GRIK2: variants seen among roughly 807,000 people sequenced by gnomAD.
GRIK2 encodes the protein glutamate receptor ionotropic, kainate 2.
A neutral mutation model predicts 100.3 loss-of-function variants in GRIK2; 32 were observed. The observed-to-expected ratio is 0.32, with a 90% CI of 0.24 to 0.43. The LOEUF is 0.43. Ranked by LOEUF, GRIK2 falls within the 20% of genes least tolerant of loss-of-function variation. The probability of loss-of-function intolerance (pLI) is 1.00; values close to 1 mark genes in which losing one functional copy is unlikely to be tolerated. For synonymous variants in GRIK2, 417 were observed against 389.4 expected (o/e 1.07, Z -0.83); for missense variants, 843 against 1,114.9 (o/e 0.76, Z 3.47).
chr6:101,935,452 C>T (rs1790556094), intron 14 of GRIK2, among the ~76,000 whole-genome samples: 1 of 151,796 alleles, frequency 6.6e-6, no homozygotes, highest in African/African-American at 2.4e-5. Context: ...TTCATCTTTT[C>T]TTTGTAAACC....
intron 2 of GRIK2, among the ~76,000 whole-genome samples, chr6:101,599,830 C>A (rs1779115640): frequency 6.6e-6 from 1 of 151,408 alleles, no homozygotes; most frequent in South Asian, 2.1e-4. Flanking sequence ...TTTTGTGATT[C>A]TTTTCTTCTA....
chr6:101,675,328 T>A (rs556779821), intron 4 of GRIK2, among the ~76,000 whole-genome samples: 16 of 95,782 alleles, frequency 1.7e-4, no homozygotes, highest in Admixed American at 1.4e-3. Context: ...ACACACACAC[T>A]CGAGAAACAG....
intron 4 of GRIK2, among the ~76,000 whole-genome samples, chr6:101,637,404 A>T (rs965298923): frequency 6.6e-6 from 1 of 151,960 alleles, no homozygotes; most frequent in Admixed American, 6.6e-5. Context: ...TTCCCTCTTT[A>T]TTGGGTTGCC....
intron 7 of GRIK2, among the ~76,000 whole-genome samples, chr6:101,774,593 A>T (rs929456034): frequency 1.3e-5 from 2 of 152,180 alleles, no homozygotes; most frequent in Non-Finnish European, 2.9e-5. Context: ...CAATGGACTG[A>T]TCTTAGTAAA....
chr6:101,660,391 C>T (rs2128333468), intron 4 of GRIK2, among the ~76,000 whole-genome samples: 1 of 152,164 alleles, frequency 6.6e-6, no homozygotes, highest in Non-Finnish European at 1.5e-5. Flanking sequence ...TTTTAAGGTT[C>T]TTAGTTTCCT....
At position 101,737,147 on chromosome 6, in the gene GRIK2, CA is replaced by C. The variant is rs558918650; in HGVS notation, c.951+50796del. Among the ~76,000 whole-genome samples, 573 of 152,208 alleles carry C rather than the reference CA, an allele frequency of 3.8e-3. 4 individuals are homozygous for C. Among genetic ancestry groups the C allele is most frequent in the African/African-American group, 0.013 (551 of 41,534 alleles). On this transcript the variant is annotated intron_variant, in intron 7 of 16. Coordinates refer to ENST00000369134, the MANE Select transcript of GRIK2 (RefSeq NM_021956.5). Reference sequence around the variant, plus strand: ...CAGGATTTTGGTTAAAGCCATTCAACAAGTCTCTAGGGAGTTCCAAACTTTC... The same window carrying C: ...CAGGATTTTGGTTAAAGCCATTCAACAGTCTCTAGGGAGTTCCAAACTTTC...
At position 101,988,675 on chromosome 6, in the gene GRIK2, G is replaced by T. The variant is rs1000269668; in HGVS notation, c.2086-46666G>T. 2.6e-5 allele frequency among the ~76,000 whole-genome samples: 4 copies of T among 151,820 alleles called. 1 individual carries two copies. Among genetic ancestry groups the T allele is most frequent in the Admixed American group, 1.3e-4 (2 of 15,198 alleles). On this transcript the variant is annotated intron_variant, in intron 14 of 16. Coordinates refer to ENST00000369134, the MANE Select transcript of GRIK2 (RefSeq NM_021956.5). ...TGGATGCCAGGGGTCTAACCAACTG[G>T]CTTGAAAAAGATTGATCTTAAACTT...
chr6:101,623,112 T>C (rs1009841865), intron 3 of GRIK2, among the ~76,000 whole-genome samples: 1 of 152,094 alleles, frequency 6.6e-6, no homozygotes. Flanking sequence ...GGTTTTACTG[T>C]AGCTACCTTA....
intron 4 of GRIK2, among the ~76,000 whole-genome samples, chr6:101,659,846 G>C (rs1769476435): frequency 6.6e-6 from 1 of 152,174 alleles, no homozygotes; most frequent in African/African-American, 2.4e-5. Flanking sequence ...TACACTGTTA[G>C]TCTGATGGGC....
chr6:101,631,926 A>G (rs561159008), intron 4 of GRIK2, among the ~76,000 whole-genome samples: 1 of 152,184 alleles, frequency 6.6e-6, no homozygotes, highest in East Asian at 1.9e-4. Flanking sequence ...AAGACTTACA[A>G]TGCTTAGTGT....
intron 7 of GRIK2, among the ~76,000 whole-genome samples, chr6:101,773,865 T>C (rs1562374783): frequency 6.6e-6 from 1 of 152,190 alleles, no homozygotes; most frequent in Admixed American, 6.5e-5. Context: ...ATTCTTTCTA[T>C]GAAAATTGTA....
intron 10 of GRIK2, among the ~76,000 whole-genome samples, chr6:101,828,056 A>C (rs542610907): frequency 6.6e-6 from 1 of 152,024 alleles, no homozygotes; most frequent in Non-Finnish European, 1.5e-5. Context: ...TAAGTTTTAA[A>C]AAACTGAAAT....
chr6:101,984,818 C>T (rs1793928487), intron 14 of GRIK2, among the ~76,000 whole-genome samples: 1 of 151,790 alleles, frequency 6.6e-6, no homozygotes, highest in Admixed American at 6.6e-5. Flanking sequence ...AATTAAACTA[C>T]ATTTTAGTAC....
chr6:101,533,163 G>A (rs1420105428), intron 2 of GRIK2, among the ~76,000 whole-genome samples: 2 of 151,890 alleles, frequency 1.3e-5, no homozygotes, highest in Non-Finnish European at 2.9e-5. Flanking sequence ...GTTTATAGAG[G>A]TTTTTAAATA....
At chr6:101,398,495 T>C (rs1318345280) in intron 1 of GRIK2, among the ~76,000 whole-genome samples, 1 of 152,214 alleles carries the variant, frequency 6.6e-6, no homozygotes, top group Admixed American at 6.5e-5. Flanking sequence ...TAAGACTCTT[T>C]CAATCTAACC....
chr6:101,890,976 CAT>C (rs61125711), intron 12 of GRIK2, among the ~76,000 whole-genome samples: 2,974 of 146,704 alleles, frequency 0.02, 45 homozygotes, highest in East Asian at 0.067. Flanking sequence ...ATAAAGTGTA[CAT>C]ATATATATAT....
chr6:102,034,858 ATGTAGCATC>A (rs1003275554), intron 14 of GRIK2, among the ~76,000 whole-genome samples: 1 of 151,358 alleles, frequency 6.6e-6, no homozygotes, highest in Non-Finnish European at 1.5e-5. Context: ...CTGGGGGTTA[ATGTAGCATC>A]TGTGTTACGT....
At chr6:101,982,665 T>C (rs1463425025) in intron 14 of GRIK2, among the ~76,000 whole-genome samples, 3 of 151,474 alleles carry the variant, frequency 2.0e-5, no homozygotes, top group Non-Finnish European at 1.5e-5. Flanking sequence ...TTTTTTTTTT[T>C]TTCAATGTGT....
At chr6:101,396,355 G>A (rs188449325) in intron 1 of GRIK2, among the ~76,000 whole-genome samples, 72 of 151,274 alleles carry the variant, frequency 4.8e-4, no homozygotes, top group African/African-American at 1.6e-3. Flanking sequence ...ATAACTAATT[G>A]TACATTTAAA....
Sources: allele counts gnomAD v4.1 joint callset (sites outside exome capture counted in the v4.1 genomes callset), GRCh38; gene constraint gnomAD v4.1.1; transcripts MANE v1.5; gene names NCBI Gene and HGNC (gene_info 2026-07-23, HGNC 2026-07-21).